CDC42SE2: variants seen among roughly 807,000 people sequenced by gnomAD.
CDC42SE2 encodes CDC42 small effector 2, also known as CDC42 small effector protein 2.
In CDC42SE2, 3 loss-of-function variants were observed where a neutral mutation model predicts 11.5. That is an observed-to-expected ratio of 0.26 (90% CI 0.12 to 0.67). The LOEUF (loss-of-function observed/expected upper bound fraction) is 0.67, where lower values mean the gene tolerates loss of function less well. Among genes scored for constraint, CDC42SE2 ranks in the 30% least tolerant of loss-of-function variants. The pLI is 0.80. For missense variants in CDC42SE2, 82 were observed against 106.8 expected, an observed-to-expected ratio of 0.77 and a Z score of 1.02; for synonymous variants, 33 against 34.8, an observed-to-expected ratio of 0.95 and a Z score of 0.18.
At chr5:131,383,833 G>T (rs1344689858) in intron 3 of CDC42SE2, among the ~76,000 whole-genome samples, 2 of 152,170 alleles carry the variant, frequency 1.3e-5, no homozygotes, top group Non-Finnish European at 2.9e-5. Context: ...GGCCTGCAAG[G>T]TTATAATATT....
At chr5:131,254,960 A>T (rs1756669213) in intron 1 of CDC42SE2, 1 of 152,040 alleles carries the variant, frequency 6.6e-6, no homozygotes, top group South Asian at 2.1e-4. Flanking sequence ...TTGAAGTGTG[A>T]CTCATTATAA....
chr5:131,386,651 T>G (rs956089671), intron 4 of CDC42SE2, among the ~76,000 whole-genome samples: 3 of 152,162 alleles, frequency 2.0e-5, no homozygotes, highest in Admixed American at 6.5e-5. Flanking sequence ...CAGAATGCAT[T>G]ATAATAGAAG....
chr5:131,253,712 C>A (rs971270147), intron 1 of CDC42SE2, among the ~76,000 whole-genome samples: 5 of 152,132 alleles, frequency 3.3e-5, no homozygotes, highest in African/African-American at 9.7e-5. Context: ...TTGTAGTGAG[C>A]TGAGATTGCA....
chr5:131,254,311 G>A (rs1381787990), intron 1 of CDC42SE2, among the ~76,000 whole-genome samples: 5 of 152,102 alleles, frequency 3.3e-5, no homozygotes, highest in East Asian at 1.9e-4. Context: ...GGAGCCTGAC[G>A]CGGGTGGATC....
intron 3 of CDC42SE2, among the ~76,000 whole-genome samples, chr5:131,374,312 AG>A (rs1750089347): frequency 6.6e-6 from 1 of 152,140 alleles, no homozygotes. Flanking sequence ...TGGGAGGCCA[AG>A]GCAGGTGGAT....
chr5:131,305,029 C>A (rs1274205974), intron 1 of CDC42SE2, among the ~76,000 whole-genome samples: 1 of 152,022 alleles, frequency 6.6e-6, no homozygotes, highest in Non-Finnish European at 1.5e-5. Context: ...TTTTGCCCAC[C>A]CACCCACATT....
At chr5:131,212,795 A>G in the CDC42SE2 span, among the ~76,000 whole-genome samples, 4 of 152,216 alleles carry the variant, frequency 2.6e-5, no homozygotes, top group African/African-American at 9.6e-5. Flanking sequence ...TGTTAAAAGG[A>G]CACGGAGGTC....
At chr5:131,291,702 T>C (rs1757460579) in intron 1 of CDC42SE2, among the ~76,000 whole-genome samples, 1 of 152,168 alleles carries the variant, frequency 6.6e-6, no homozygotes, top group Admixed American at 6.5e-5. Flanking sequence ...ATCTAAGTAA[T>C]CTTGCAAGTT....
intron 1 of CDC42SE2, among the ~76,000 whole-genome samples, chr5:131,278,504 C>T (rs1757149891): frequency 4.4e-5 from 1 of 22,472 alleles, no homozygotes; most frequent in Non-Finnish European, 8.1e-5. Context: ...CTCTCCAGCT[C>T]CATGTGTGAC....
chr5:131,297,769 A>G (rs1444799813), intron 1 of CDC42SE2, among the ~76,000 whole-genome samples: 1 of 151,842 alleles, frequency 6.6e-6, no homozygotes, highest in Non-Finnish European at 1.5e-5. Flanking sequence ...TATAAAAATT[A>G]TAAAAGTTAC....
the CDC42SE2 span, among the ~76,000 whole-genome samples, chr5:131,223,950 T>C: frequency 1.3e-5 from 2 of 152,218 alleles, no homozygotes; most frequent in African/African-American, 4.8e-5. Flanking sequence ...TCATCTTACC[T>C]GACCAGCAGC....
chr5:131,234,891 A>ATT, the CDC42SE2 span, among the ~76,000 whole-genome samples: 1,075 of 135,054 alleles, frequency 8.0e-3, 22 homozygotes, highest in African/African-American at 0.025. Context: ...GTGAGGGCAA[A>ATT]TTTTTTTTTT....
chr5:131,300,672 C>A (rs1024192857), intron 1 of CDC42SE2, among the ~76,000 whole-genome samples: 5 of 151,654 alleles, frequency 3.3e-5, no homozygotes, highest in African/African-American at 9.7e-5. Flanking sequence ...AGTCCCAGCT[C>A]CTCGGGAGGC....
At position 131,308,454 on chromosome 5, in the gene CDC42SE2, G is replaced by T. The variant is rs1447162605; in HGVS notation, c.-454-7522G>T. Among the ~76,000 whole-genome samples, 12 of 151,266 alleles carry T rather than the reference G, an allele frequency of 7.9e-5. No homozygotes were observed. The South Asian group carries it at 1.1e-3, about 13-fold the overall frequency. On this transcript the variant is annotated intron_variant, in intron 1 of 4. Coordinates refer to ENST00000505065, the MANE Select transcript of CDC42SE2 (RefSeq NM_001375635.1). ...CTCTTTTTTGGTTCCATATGAACTT[G>T]AAAGTAGTTTTTTCCAATTCTGTGA...
chr5:131,264,396 TC>T (rs1276307056), intron 1 of CDC42SE2, among the ~76,000 whole-genome samples: 1 of 152,128 alleles, frequency 6.6e-6, no homozygotes, highest in Non-Finnish European at 1.5e-5. Flanking sequence ...TTCTTCTGTT[TC>T]CTCTGAGGAA....
At chr5:131,273,598 G>A (rs1313444109) in intron 1 of CDC42SE2, among the ~76,000 whole-genome samples, 7 of 150,530 alleles carry the variant, frequency 4.7e-5, no homozygotes, top group Admixed American at 6.6e-5. Flanking sequence ...GTGAAACCCC[G>A]TCTCTACTAA....
At chr5:131,344,718 C>T (rs532427786) in intron 2 of CDC42SE2, among the ~76,000 whole-genome samples, 1 of 152,328 alleles carries the variant, frequency 6.6e-6, no homozygotes, top group Admixed American at 6.5e-5. Context: ...GGGTCCCTGA[C>T]CCCCGAGTAG....
At chr5:131,259,715 C>A (rs2420148), upstream of CDC42SE2, among the ~76,000 whole-genome samples, 86,791 of 152,160 alleles carry the variant, frequency 0.57, 27,973 homozygotes, top group African/African-American at 0.89. Context: ...ACAAATAACT[C>A]TTAAGCCAGG....
chr5:131,297,006 G>T (rs1757582631), intron 1 of CDC42SE2, among the ~76,000 whole-genome samples: 1 of 152,044 alleles, frequency 6.6e-6, no homozygotes, highest in South Asian at 2.1e-4. Context: ...AAATTTTGAT[G>T]AAAGTAGAAT....
Sources: allele counts gnomAD v4.1 joint callset (sites outside exome capture counted in the v4.1 genomes callset), GRCh38; gene constraint gnomAD v4.1.1; transcripts MANE v1.5; gene names NCBI Gene and HGNC (gene_info 2026-07-23, HGNC 2026-07-21).